CNOT4: variants seen among roughly 807,000 people sequenced by gnomAD.
CNOT4 encodes the protein CCR4-NOT transcription complex subunit 4, also known as CCR4-associated factor 4.
CNOT4 carries 8 observed loss-of-function variants against 73.8 expected under a neutral mutation model. The observed-to-expected ratio is 0.11, with a 90% CI of 0.06 to 0.20. The LOEUF is 0.20. Among genes scored for constraint, CNOT4 ranks in the 10% least tolerant of loss-of-function variants. The pLI, the probability that CNOT4 is intolerant of heterozygous loss-of-function variation, is 1.00. For synonymous variants in CNOT4, 293 were observed against 321.1 expected (o/e 0.91, Z 0.94); for missense variants, 564 against 883.4 (o/e 0.64, Z 4.58).
At chr7:135,474,659 C>T (rs1414997823) in intron 1 of CNOT4, among the ~76,000 whole-genome samples, 1 of 152,152 alleles carries the variant, frequency 6.6e-6, no homozygotes, top group Admixed American at 6.5e-5. Context: ...TTAAGTTTTG[C>T]ATGTCTCTAA....
At chr7:135,500,050 T>C (rs1265088158) in intron 1 of CNOT4, among the ~76,000 whole-genome samples, 1 of 152,224 alleles carries the variant, frequency 6.6e-6, no homozygotes, top group Non-Finnish European at 1.5e-5. Context: ...TTCCCAATAA[T>C]GTACTATGTT....
chr7:135,506,661 A>G (rs1252257238), intron 1 of CNOT4, among the ~76,000 whole-genome samples: 4 of 152,052 alleles, frequency 2.6e-5, no homozygotes, highest in Non-Finnish European at 5.9e-5. Context: ...CAGCCTGACC[A>G]ACATGGTGAA....
intron 1 of CNOT4, among the ~76,000 whole-genome samples, chr7:135,460,759 A>T (rs1800827819): frequency 6.6e-6 from 1 of 152,110 alleles, no homozygotes; most frequent in Admixed American, 6.6e-5. Flanking sequence ...GTTGCCACAA[A>T]CCTTCAATTT....
intron 2 of CNOT4, among the ~76,000 whole-genome samples, chr7:135,425,975 T>A (rs1448969859): frequency 6.6e-6 from 1 of 150,476 alleles, no homozygotes. Flanking sequence ...CACCTGTAAT[T>A]CCAGCACTTA....
chr7:135,420,041 C>CA (rs145866764), intron 3 of CNOT4, among the ~76,000 whole-genome samples: 152,166 of 152,170 alleles, frequency 1, 76,081 homozygotes, highest in Middle Eastern at 1. Flanking sequence ...AAAAAACAAA[C>CA]AACAACAAAA....
chr7:135,373,391 G>A (rs1373378380), intron 10 of CNOT4, among the ~76,000 whole-genome samples: 1 of 152,174 alleles, frequency 6.6e-6, no homozygotes, highest in Non-Finnish European at 1.5e-5. Flanking sequence ...GAACTATTAA[G>A]TCAGGAGAGA....
intron 1 of CNOT4, among the ~76,000 whole-genome samples, chr7:135,448,986 C>T (rs1800002684): frequency 6.6e-6 from 1 of 151,872 alleles, no homozygotes; most frequent in Non-Finnish European, 1.5e-5. Flanking sequence ...TGAACATACA[C>T]ATAATGGGAG....
At position 135,438,151 on chromosome 7, in the gene CNOT4, T is replaced by A. The variant is rs199877002; in HGVS notation, c.174+7A>T. ...AAATCACTGTGAAGTTATTTTGAAGTATTTACCTTTCTACATGCAGGACAA... is the reference window on the plus strand; with the variant it reads ...AAATCACTGTGAAGTTATTTTGAAGAATTTACCTTTCTACATGCAGGACAA... On this transcript the variant is annotated splice_region_variant and intron_variant, in intron 2 of 11. Transcript: ENST00000541284. 7.9e-4 allele frequency: 1,186 copies of A among 1,493,420 alleles called. 1 individual carries two copies. Among genetic ancestry groups the A allele is most frequent in the Non-Finnish European group, 1.1e-3 (1,142 of 1,072,408 alleles). The allele number at this position is 1,493,420 out of a possible 1,614,324, so 92.5% of individuals were successfully genotyped here. A position where few individuals can be genotyped will look rare whatever the true frequency, so the allele number is the denominator to read the frequency against.
intron 1 of CNOT4, among the ~76,000 whole-genome samples, chr7:135,447,013 C>T (rs76256055): frequency 0.03 from 3,579 of 120,734 alleles, 345 homozygotes; most frequent in East Asian, 0.079. Flanking sequence ...AGAAATGACC[C>T]GGTGCATCAC....
At chr7:135,423,761 C>A (rs1278135233) in intron 2 of CNOT4, among the ~76,000 whole-genome samples, 2 of 152,084 alleles carry the variant, frequency 1.3e-5, no homozygotes, top group Non-Finnish European at 2.9e-5. Context: ...AACACCCATA[C>A]CACTTGATTC....
chr7:135,454,413 G>C (rs1290900622), intron 1 of CNOT4, among the ~76,000 whole-genome samples: 1 of 151,836 alleles, frequency 6.6e-6, no homozygotes, highest in Non-Finnish European at 1.5e-5. Flanking sequence ...CAGCACTCTG[G>C]GAGGCCAAGG....
chr7:135,477,263 A>G (rs1359994857), intron 1 of CNOT4, among the ~76,000 whole-genome samples: 1 of 152,048 alleles, frequency 6.6e-6, no homozygotes, highest in East Asian at 1.9e-4. Flanking sequence ...GAATCACCTC[A>G]ACCTGGGAGG....
At chr7:135,505,447 G>A (rs1202035165) in intron 1 of CNOT4, among the ~76,000 whole-genome samples, 1 of 152,168 alleles carries the variant, frequency 6.6e-6, no homozygotes, top group Non-Finnish European at 1.5e-5. Context: ...AGCTACTCGG[G>A]AGGCTGAGGC....
intron 1 of CNOT4, among the ~76,000 whole-genome samples, chr7:135,502,741 G>A (rs1283731577): frequency 6.0e-5 from 9 of 150,128 alleles, no homozygotes; most frequent in African/African-American, 9.8e-5. Context: ...GCTTGAACCC[G>A]GGAGGTGGAG....
intron 3 of CNOT4, among the ~76,000 whole-genome samples, chr7:135,418,621 A>C (rs1349479782): frequency 6.6e-6 from 1 of 152,226 alleles, no homozygotes; most frequent in Non-Finnish European, 1.5e-5. Flanking sequence ...GAACTGTAAG[A>C]CCACGGACAA....
At chr7:135,378,137 G>A (rs1795621337) in intron 10 of CNOT4, among the ~76,000 whole-genome samples, 2 of 152,178 alleles carry the variant, frequency 1.3e-5, no homozygotes, top group Admixed American at 6.5e-5. Flanking sequence ...AAATTTTACA[G>A]TGCATTAGTC....
At chr7:135,380,012 T>C (rs903946370) in intron 10 of CNOT4, among the ~76,000 whole-genome samples, 4 of 152,210 alleles carry the variant, frequency 2.6e-5, no homozygotes, top group Admixed American at 6.5e-5. Flanking sequence ...CAAAAGTTGA[T>C]TGCAGATTTC....
At chr7:135,367,178 G>C (rs1457320227) in intron 10 of CNOT4, among the ~76,000 whole-genome samples, 2 of 152,062 alleles carry the variant, frequency 1.3e-5, no homozygotes, top group East Asian at 3.9e-4. Flanking sequence ...AAGCAAAATT[G>C]TATCCAGTTG....
chr7:135,396,947 A>G (rs1055635973), intron 8 of CNOT4, among the ~76,000 whole-genome samples: 12 of 152,210 alleles, frequency 7.9e-5, no homozygotes, highest in African/African-American at 1.2e-4. Flanking sequence ...CTATAATTTT[A>G]CCATTTATTA....
Sources: allele counts gnomAD v4.1 joint callset (sites outside exome capture counted in the v4.1 genomes callset), GRCh38; gene constraint gnomAD v4.1.1; transcripts MANE v1.5; gene names NCBI Gene and HGNC (gene_info 2026-07-23, HGNC 2026-07-21).